Variants in UBE2G1 observed in about 807,000 individuals in gnomAD.
UBE2G1 encodes ubiquitin-conjugating enzyme E2 G1.
UBE2G1 carries 5 observed loss-of-function variants against 22.7 expected under a neutral mutation model. That is an observed-to-expected ratio of 0.22 (90% confidence interval 0.12 to 0.46). UBE2G1 has a LOEUF of 0.46. Ranked by LOEUF, UBE2G1 falls within the 20% of genes least tolerant of loss-of-function variation. The probability of loss-of-function intolerance (pLI) is 0.99; values close to 1 mark genes in which losing one functional copy is unlikely to be tolerated. For missense variants in UBE2G1, 88 were observed against 203.9 expected (o/e 0.43, Z 3.46); for synonymous variants, 74 against 67.5 (o/e 1.10, Z -0.47).
chr17:4,324,401 T>C (rs1023775277), intron 1 of UBE2G1, among the ~76,000 whole-genome samples: 10 of 152,334 alleles, frequency 6.6e-5, no homozygotes, highest in African/African-American at 1.9e-4. Flanking sequence ...TGAAATTATA[T>C]TTTGGGTATA....
At chr17:4,331,670 T>C (rs1212496842) in intron 1 of UBE2G1, 1 of 152,082 alleles carries the variant, frequency 6.6e-6, no homozygotes, top group Admixed American at 6.5e-5. Flanking sequence ...TTAAAGTATA[T>C]TAAAAAGACC....
chr17:4,298,034 A>G (rs9894596), intron 2 of UBE2G1, among the ~76,000 whole-genome samples: 5,920 of 152,344 alleles, frequency 0.039, 425 homozygotes, highest in African/African-American at 0.13. Flanking sequence ...GGAGCTTATC[A>G]TTTTAGTGGC....
intron 1 of UBE2G1, among the ~76,000 whole-genome samples, chr17:4,353,522 CAG>C (rs1490335675): frequency 2.7e-5 from 4 of 148,470 alleles, no homozygotes; most frequent in African/African-American, 7.5e-5. Context: ...TTTTTTTAGA[CAG>C]AGTCTTGTTC....
chr17:4,334,422 T>A (rs1329787765), intron 1 of UBE2G1, among the ~76,000 whole-genome samples: 1 of 152,202 alleles, frequency 6.6e-6, no homozygotes, highest in East Asian at 1.9e-4. Flanking sequence ...TTTCATGCCA[T>A]TAATAAAACA....
Position 4,347,469 on chromosome 17 carries a change from CTTTTTTTTTTTT to C in UBE2G1, c.46+18790_46+18801del, listed in dbSNP as rs34014821. Among the ~76,000 whole-genome samples the C allele has an allele frequency of 3.1e-4, 28 of 89,530 alleles. 1 individual carries two copies. The highest frequency in any genetic ancestry group is 1.0e-3 in the Admixed American group (7 of 6,806). 58.7% of individuals were successfully genotyped at this position (89,530 alleles called of 152,430 possible). On this transcript the variant is annotated intron_variant, in intron 1 of 5. Coordinates refer to ENST00000396981, the MANE Select transcript of UBE2G1 (RefSeq NM_003342.5). ...TTCGGTAATTCTCACAGTATTTCTT[CTTTTTTTTTTTT>C]TTTTTTTTTTGGACATAGAGTCTCG... is the stretch of plus-strand genomic sequence containing the variant.
At chr17:4,289,084 A>G in intron 4 of UBE2G1, 146 bp downstream of exon 4, 1 of 601,428 alleles carries the variant, frequency 1.7e-6, no homozygotes, top group Non-Finnish European at 2.4e-6. Context: ...ATTTTGTCAA[A>G]AATAAGAACT....
At position 4,343,628 on chromosome 17, in the gene UBE2G1, G is replaced by A. The variant is rs148505047; in HGVS notation, c.46+22643C>T. Among the ~76,000 whole-genome samples the A allele has an allele frequency of 5.3e-3, 795 of 150,242 alleles. 7 individuals are homozygous for A. The highest frequency in any genetic ancestry group is 0.019 in the African/African-American group (763 of 40,820). Reference sequence around the variant, plus strand: ...TTTTGAGACGGAGTCTCGCTCTGTCGCCCAGGCTGGAGTGTGGTGGCGCAA... The same window carrying A: ...TTTTGAGACGGAGTCTCGCTCTGTCACCCAGGCTGGAGTGTGGTGGCGCAA... On this transcript the variant is annotated intron_variant, in intron 1 of 5. Coordinates refer to ENST00000396981, the MANE Select transcript of UBE2G1 (RefSeq NM_003342.5).
At chr17:4,350,890 G>A (rs1259897078) in intron 1 of UBE2G1, among the ~76,000 whole-genome samples, 1 of 151,884 alleles carries the variant, frequency 6.6e-6, no homozygotes, top group African/African-American at 2.4e-5. Flanking sequence ...AAAACTAGCC[G>A]GGCATGGTGG....
At chr17:4,315,680 C>T (rs1213406682) in intron 1 of UBE2G1, among the ~76,000 whole-genome samples, 3 of 150,264 alleles carry the variant, frequency 2.0e-5, no homozygotes, top group African/African-American at 7.4e-5. Context: ...GCGGAGCTTG[C>T]AGTGAGCCGA....
At chr17:4,303,903 TG>T (rs933131145) in intron 2 of UBE2G1, among the ~76,000 whole-genome samples, 1 of 152,194 alleles carries the variant, frequency 6.6e-6, no homozygotes, top group African/African-American at 2.4e-5. Context: ...ACATACTCCT[TG>T]AACAGACCAG....
intron 1 of UBE2G1, among the ~76,000 whole-genome samples, chr17:4,327,740 A>T (rs1475490030): frequency 6.6e-6 from 1 of 152,132 alleles, no homozygotes; most frequent in African/African-American, 2.4e-5. Flanking sequence ...GCAGGTCCTA[A>T]AATACAGACG....
At chr17:4,365,182 A>G (rs1366324782) in intron 1 of UBE2G1, among the ~76,000 whole-genome samples, 2 of 152,228 alleles carry the variant, frequency 1.3e-5, no homozygotes, top group East Asian at 3.8e-4. Context: ...TACTGGTTTT[A>G]GAGTGGGTAG....
intron 1 of UBE2G1, among the ~76,000 whole-genome samples, chr17:4,363,567 T>C (rs1028227327): frequency 2.0e-5 from 3 of 152,176 alleles, no homozygotes. Context: ...CTTTCACACA[T>C]TGCTGCTGCT....
chr17:4,330,773 A>T (rs184910273), intron 1 of UBE2G1, among the ~76,000 whole-genome samples: 190 of 151,734 alleles, frequency 1.3e-3, no homozygotes, highest in Middle Eastern at 3.4e-3. Context: ...TTTATTTATT[A>T]ATTAGAGACG....
intron 1 of UBE2G1, among the ~76,000 whole-genome samples, chr17:4,348,263 A>G (rs1969803454): frequency 6.6e-6 from 1 of 152,082 alleles, no homozygotes; most frequent in Non-Finnish European, 1.5e-5. Flanking sequence ...GTCTGTAAAG[A>G]AAAAAATAGG....
chr17:4,281,429 G>A (rs1255899306), intron 5 of UBE2G1, among the ~76,000 whole-genome samples: 2 of 152,208 alleles, frequency 1.3e-5, no homozygotes, highest in South Asian at 4.1e-4. Context: ...GCAGCGGAGT[G>A]TAGGGGACAG....
intron 2 of UBE2G1, among the ~76,000 whole-genome samples, chr17:4,304,075 G>A (rs139316543): frequency 6.6e-6 from 1 of 152,188 alleles, no homozygotes; most frequent in Non-Finnish European, 1.5e-5. Context: ...CCAAGCTAGA[G>A]TGCAGTAGCG....
In UBE2G1 at chr17:4,282,700, A is replaced by G; in HGVS notation, c.*37+98T>C. Reference sequence around the variant, plus strand: ...ATAATACCATTAAAAAATGAAGTCAATGAAAAAATGTAATTCAAATACCCA... The same window carrying G: ...ATAATACCATTAAAAAATGAAGTCAGTGAAAAAATGTAATTCAAATACCCA... On this transcript the variant is annotated intron_variant, in intron 5 of 5. Coordinates refer to ENST00000396981, the MANE Select transcript of UBE2G1 (RefSeq NM_003342.5). The G allele has an allele frequency of 9.3e-6, 7 of 754,436 alleles. No homozygotes were observed. The South Asian group carries it at 1.4e-4, about 15-fold the overall frequency. 46.7% of individuals were successfully genotyped at this position (754,436 alleles called of 1,614,324 possible).
At position 4,282,894 on chromosome 17, in the gene UBE2G1, C is replaced by T. The variant is rs940020784; in HGVS notation, c.454G>A (p.Glu152Lys). The T allele has an allele frequency of 6.2e-7, 1 of 1,613,258 alleles. No individual in the cohort carries two copies. Among genetic ancestry groups the T allele is most frequent in the African/African-American group, 1.3e-5 (1 of 74,900 alleles). The change falls in exon 5 of 6, where the codon GAA becomes AAA. Residue 152 changes from glutamate to lysine, a missense_variant. By Grantham distance (56) the Glu-to-Lys change is moderately conservative. Transcript: ENST00000396981. Reference protein sequence around the residue: ...AKEWREDRNGEFKRKVARCVR... With the variant: ...AKEWREDRNGKFKRKVARCVR... ...CAGCGGGCAACTTTTCTTTTAAATT[C>T]TCCATTTCTATCTTCCCTCCATTCT...
Sources: allele counts gnomAD v4.1 joint callset (sites outside exome capture counted in the v4.1 genomes callset), GRCh38; gene constraint gnomAD v4.1.1; transcripts MANE v1.5; gene names NCBI Gene and HGNC (gene_info 2026-07-23, HGNC 2026-07-21).